The following POU2F1 variants were observed in gnomAD, a reference collection of about 807,000 sequenced individuals.
POU2F1 encodes POU domain, class 2, transcription factor 1.
A neutral mutation model predicts 84.9 loss-of-function variants in POU2F1; 16 were observed. The observed-to-expected ratio is 0.19, with a 90% CI of 0.13 to 0.29. The LOEUF (loss-of-function observed/expected upper bound fraction) is 0.29. POU2F1 is among the 10% of genes least tolerant of loss of function. The pLI is 1.00. For synonymous variants in POU2F1, 368 were observed against 368.3 expected (o/e 1.00, Z 0.01); for missense variants, 738 against 942.6 (o/e 0.78, Z 2.84).
chr1:167,322,877 A>G (rs778441991), intron 1 of POU2F1, among the ~76,000 whole-genome samples: 11 of 152,200 alleles, frequency 7.2e-5, no homozygotes, highest in Non-Finnish European at 1.5e-4. Flanking sequence ...GATCACTCAT[A>G]CTATTGTTTG....
chr1:167,222,497 G>T (rs1648307889), intron 1 of POU2F1, among the ~76,000 whole-genome samples: 2 of 151,350 alleles, frequency 1.3e-5, no homozygotes, highest in Non-Finnish European at 1.5e-5. Flanking sequence ...TTTTTTCCTT[G>T]GCAATCCGCA....
intron 9 of POU2F1, among the ~76,000 whole-genome samples, chr1:167,392,106 T>C (rs983923874): frequency 6.6e-6 from 1 of 152,062 alleles, no homozygotes; most frequent in Non-Finnish European, 1.5e-5. Flanking sequence ...TCCCAGCACT[T>C]TGGGAGGCCG....
intron 1 of POU2F1, among the ~76,000 whole-genome samples, chr1:167,275,799 G>A (rs1652692800): frequency 6.6e-6 from 1 of 152,170 alleles, no homozygotes; most frequent in African/African-American, 2.4e-5. Flanking sequence ...TCCTAAAAAA[G>A]ACTGATGGAT....
rs565909867 is a variant in POU2F1, at chr1:167,389,999, C to T, written c.987+238C>T. Among the ~76,000 whole-genome samples, 8 of 152,190 alleles carry T rather than the reference C, an allele frequency of 5.3e-5. No homozygotes were observed. The South Asian group carries it at 1.5e-3, about 28-fold the overall frequency. On this transcript the variant is annotated intron_variant, in intron 9 of 15. Transcript: ENST00000367866. ...ACATTATATTAAGTATTATAAGTAACGTAGAGATGATTTAGAGTATATGGG... is the reference window on the plus strand; with the variant it reads ...ACATTATATTAAGTATTATAAGTAATGTAGAGATGATTTAGAGTATATGGG...
rs576767032 is a variant in POU2F1 at position 167,399,333 on chromosome 1, A to G, written c.1417A>G (p.Ile473Val). ...PSSGGTSSSP[I>V]KAIFPSPTSL... ...CAGTGGTGGGACCAGCAGCTCACCT[A>G]TTAAAGCAATTTTCCCCAGCCCAAC... The change falls in exon 12 of 16, where the codon ATT (isoleucine) becomes GTT (valine). Residue 473 changes from isoleucine (I) to valine (V), a missense_variant. This residue lies in a region of POU2F1 where 319 missense variants were observed against 386.0 expected (regional missense o/e 0.83). Coordinates refer to ENST00000367866, the MANE Select transcript of POU2F1 (RefSeq NM_002697.4). 3.1e-6 allele frequency: 5 copies of G among 1,613,626 alleles called. No homozygotes were observed. In the East Asian group the frequency reaches 8.9e-5, roughly 29 times the overall value.
intron 1 of POU2F1, among the ~76,000 whole-genome samples, chr1:167,278,812 G>GAATTTAATAAAATTCTATTA (rs11271490): frequency 0.72 from 107,896 of 150,638 alleles, 38,827 homozygotes; most frequent in East Asian, 0.82. Context: ...TATTTTAATA[G>GAATTTAATAAAATTCTATTA]AATTTAATAA....
chr1:167,418,673 C>T lies in POU2F1; in HGVS notation c.*2863C>T, dbSNP rs1177231898. 1 of 152,052 alleles carries T rather than the reference C, an allele frequency of 6.6e-6. No homozygotes were observed. Among genetic ancestry groups the T allele is most frequent in the Non-Finnish European group, 1.5e-5 (1 of 68,004 alleles). 9.4% of individuals were successfully genotyped at this position (152,052 alleles called of 1,614,324 possible). ...TGTTTGGGTGGTTTTTTTTTCCCCA[C>T]ATATGGTTTAGAAAATGATCCCTTT... On this transcript the variant is annotated 3_prime_UTR_variant, in exon 16 of 16. Transcript: ENST00000367866.
intron 1 of POU2F1, among the ~76,000 whole-genome samples, chr1:167,237,663 C>G (rs1312981608): frequency 6.7e-6 from 1 of 148,478 alleles, no homozygotes. Flanking sequence ...TTTCTTTCCC[C>G]TTTTGTCCTT....
chr1:167,247,382 TA>T (rs1348319521), intron 1 of POU2F1, among the ~76,000 whole-genome samples: 1 of 152,180 alleles, frequency 6.6e-6, no homozygotes, highest in Non-Finnish European at 1.5e-5. Flanking sequence ...ATACAATTTT[TA>T]TATCTCCGAA....
At chr1:167,392,004 C>T (rs144795217) in intron 9 of POU2F1, among the ~76,000 whole-genome samples, 1 of 151,652 alleles carries the variant, frequency 6.6e-6, no homozygotes, top group East Asian at 1.9e-4. Context: ...AGCAAATTAT[C>T]CAGAAACATT....
intron 2 of POU2F1, among the ~76,000 whole-genome samples, chr1:167,357,753 T>C (rs551167456): frequency 1.3e-5 from 2 of 152,042 alleles, no homozygotes; most frequent in South Asian, 4.1e-4. Flanking sequence ...GAGATTTCTA[T>C]ATGATTCCAC....
chr1:167,221,081 G>T (rs1288604789), intron 1 of POU2F1, 123 bp downstream of exon 1: 1 of 943,154 alleles, frequency 1.1e-6, no homozygotes, highest in Non-Finnish European at 1.6e-6. Flanking sequence ...CGGGGAGATG[G>T]GGGGCCGGGG....
intron 1 of POU2F1, among the ~76,000 whole-genome samples, chr1:167,298,523 C>A (rs1380789295): frequency 6.6e-6 from 1 of 151,958 alleles, no homozygotes; most frequent in Admixed American, 6.6e-5. Flanking sequence ...TATTTCTTAT[C>A]GTAAAATAGA....
chr1:167,360,219 T>A (rs1190797744), intron 2 of POU2F1, among the ~76,000 whole-genome samples: 1 of 152,166 alleles, frequency 6.6e-6, no homozygotes, highest in African/African-American at 2.4e-5. Context: ...CCAAGTTGTC[T>A]GTTTTTATTT....
At chr1:167,281,991 A>G (rs188263318) in intron 1 of POU2F1, among the ~76,000 whole-genome samples, 339 of 152,118 alleles carry the variant, frequency 2.2e-3, no homozygotes, top group Admixed American at 5.3e-3. Flanking sequence ...TATATTGTTC[A>G]TACCTAGTTC....
intron 1 of POU2F1, among the ~76,000 whole-genome samples, chr1:167,252,674 A>C (rs996123374): frequency 1.3e-5 from 2 of 152,206 alleles, no homozygotes; most frequent in Admixed American, 6.5e-5. Context: ...ACTTTGTTGC[A>C]AACTCCAAAC....
chr1:167,306,112 GTTGA>G (rs1261103181), intron 1 of POU2F1, among the ~76,000 whole-genome samples: 1 of 152,166 alleles, frequency 6.6e-6, no homozygotes, highest in African/African-American at 2.4e-5. Flanking sequence ...AGCAAATACA[GTTGA>G]TTGTTTCCAG....
At chr1:167,278,008 A>G (rs989737622) in intron 1 of POU2F1, among the ~76,000 whole-genome samples, 11 of 152,124 alleles carry the variant, frequency 7.2e-5, no homozygotes, top group African/African-American at 2.7e-4. Context: ...AAGCTAGGGT[A>G]CTGTATCCTA....
rs1391268447 is a variant in POU2F1, at chr1:167,416,163, A to T, written c.*353A>T. The stretch of plus-strand genomic sequence containing the variant: ...AGTGAAAGGACTACTTATCATTTCC[A>T]GCAGTCATGATGACAAGTTAAGGTG... On this transcript the variant is annotated 3_prime_UTR_variant, in exon 16 of 16. Transcript: ENST00000367866. 1 of 390,254 alleles carries T rather than the reference A, an allele frequency of 2.6e-6. No homozygotes were observed. Among genetic ancestry groups the T allele is most frequent in the Non-Finnish European group, 4.8e-6 (1 of 208,648 alleles). 24.2% of individuals were successfully genotyped at this position (390,254 alleles called of 1,614,324 possible).
Sources: allele counts gnomAD v4.1 joint callset (sites outside exome capture counted in the v4.1 genomes callset), GRCh38; gene constraint gnomAD v4.1.1; regional missense constraint gnomAD v4.1.1; transcripts MANE v1.5; gene names NCBI Gene and HGNC (gene_info 2026-07-23, HGNC 2026-07-21).